Variants in SH3GL2 observed in about 807,000 individuals in gnomAD.
SH3GL2 encodes the protein SH3 domain containing GRB2 like 2, endophilin A1.
In SH3GL2, 24 loss-of-function variants were observed where a neutral mutation model predicts 46.0. The ratio of observed to expected loss-of-function variants is 0.52; its 90% CI spans 0.38 to 0.73. The LOEUF (loss-of-function observed/expected upper bound fraction) is 0.73, where lower values mean the gene tolerates loss of function less well. SH3GL2 is among the 30% of genes least tolerant of loss of function. The pLI is 0.00. For missense variants in SH3GL2, 413 were observed against 424.2 expected, an observed-to-expected ratio of 0.97 and a Z score of 0.23; for synonymous variants, 196 against 147.1, an observed-to-expected ratio of 1.33 and a Z score of -2.40.
chr9:17,696,706 G>A (rs1821211869), intron 1 of SH3GL2, among the ~76,000 whole-genome samples: 1 of 152,046 alleles, frequency 6.6e-6, no homozygotes, highest in Non-Finnish European at 1.5e-5. Flanking sequence ...CCTCCTACTG[G>A]GTCCCTCCCG....
At chr9:17,702,843 C>A (rs1464225033) in intron 1 of SH3GL2, among the ~76,000 whole-genome samples, 1 of 152,058 alleles carries the variant, frequency 6.6e-6, no homozygotes, top group Non-Finnish European at 1.5e-5. Context: ...GCAGAAATTT[C>A]TATTAAACTA....
intron 1 of SH3GL2, among the ~76,000 whole-genome samples, chr9:17,689,163 T>C (rs1246643526): frequency 1.3e-5 from 2 of 152,062 alleles, no homozygotes; most frequent in South Asian, 2.1e-4. Context: ...TCTAGTCTCA[T>C]CATGAGAAAG....
intron 1 of SH3GL2, among the ~76,000 whole-genome samples, chr9:17,734,668 A>C (rs1221500798): frequency 6.6e-6 from 1 of 152,140 alleles, no homozygotes; most frequent in Non-Finnish European, 1.5e-5. Flanking sequence ...GAACCTTGAA[A>C]ACATAATGCT....
At chr9:17,754,700 C>A (rs960251588) in intron 2 of SH3GL2, among the ~76,000 whole-genome samples, 3 of 152,004 alleles carry the variant, frequency 2.0e-5, no homozygotes, top group Non-Finnish European at 4.4e-5. Context: ...AAATAACTTT[C>A]ACCTCCCTGG....
chr9:17,583,890 T>A (rs553211530), intron 1 of SH3GL2, among the ~76,000 whole-genome samples: 1 of 152,328 alleles, frequency 6.6e-6, no homozygotes, highest in African/African-American at 2.4e-5. Flanking sequence ...ATGTTAAACT[T>A]ACTAAGTATT....
At chr9:17,729,187 T>C (rs1171611345) in intron 1 of SH3GL2, among the ~76,000 whole-genome samples, 1 of 152,204 alleles carries the variant, frequency 6.6e-6, no homozygotes, top group Non-Finnish European at 1.5e-5. Flanking sequence ...TATCTCACTG[T>C]GGTTTTGATT....
chr9:17,744,180 TAAGAC>T (rs199567272), intron 1 of SH3GL2, among the ~76,000 whole-genome samples: 2,113 of 152,132 alleles, frequency 0.014, 42 homozygotes, highest in African/African-American at 0.048. Flanking sequence ...ACTTGAAAAA[TAAGAC>T]AAGAGGGGAC....
intron 1 of SH3GL2, among the ~76,000 whole-genome samples, chr9:17,603,655 G>A (rs1463207575): frequency 6.6e-6 from 1 of 152,138 alleles, no homozygotes; most frequent in Non-Finnish European, 1.5e-5. Flanking sequence ...GAGGTCAGGG[G>A]TTCGAGACCA....
chr9:17,777,615 A>T (rs1823678336), intron 3 of SH3GL2, among the ~76,000 whole-genome samples: 1 of 151,474 alleles, frequency 6.6e-6, no homozygotes, highest in Non-Finnish European at 1.5e-5. Flanking sequence ...ATTTCTGATG[A>T]GGGCTCTCTT....
chr9:17,672,994 G>A (rs1213368945), intron 1 of SH3GL2, among the ~76,000 whole-genome samples: 2 of 152,070 alleles, frequency 1.3e-5, no homozygotes, highest in Non-Finnish European at 2.9e-5. Context: ...CATGTCTTGG[G>A]TAGTATTTGG....
chr9:17,791,406 CAT>C (rs1179782511), intron 7 of SH3GL2, 72 bp downstream of exon 7: 33 of 1,075,588 alleles, frequency 3.1e-5, no homozygotes, highest in Non-Finnish European at 4.8e-5. Flanking sequence ...AAATGGAAAT[CAT>C]AGAATACATT....
chr9:17,610,559 T>C (rs569339587), intron 1 of SH3GL2, among the ~76,000 whole-genome samples: 3 of 152,368 alleles, frequency 2.0e-5, no homozygotes, highest in South Asian at 4.1e-4. Flanking sequence ...ATGGGAACTT[T>C]GTAATGCTGG....
At chr9:17,776,270 A>C (rs1168305327) in intron 3 of SH3GL2, among the ~76,000 whole-genome samples, 3 of 152,200 alleles carry the variant, frequency 2.0e-5, no homozygotes, top group South Asian at 2.1e-4. Flanking sequence ...AATTGTAGTA[A>C]ATGAAACTTT....
chr9:17,600,190 A>G (rs1037403982), intron 1 of SH3GL2, among the ~76,000 whole-genome samples: 5 of 152,226 alleles, frequency 3.3e-5, no homozygotes, highest in Non-Finnish European at 5.9e-5. Context: ...GCTGGAGTTT[A>G]TTCTACAGCA....
chr9:17,738,361 A>G (rs1462714045), intron 1 of SH3GL2, among the ~76,000 whole-genome samples: 1 of 151,350 alleles, frequency 6.6e-6, no homozygotes, highest in Non-Finnish European at 1.5e-5. Context: ...CCCTTTCCTA[A>G]TATATGGTCT....
At chr9:17,743,601 C>CACACA (rs1554645790) in intron 1 of SH3GL2, among the ~76,000 whole-genome samples, 2 of 145,736 alleles carry the variant, frequency 1.4e-5, no homozygotes, top group Non-Finnish European at 3.0e-5. Context: ...CACACACACA[C>CACACA]CCCAAATAGT....
At chr9:17,699,492 C>T (rs1178537577) in intron 1 of SH3GL2, among the ~76,000 whole-genome samples, 1 of 152,298 alleles carries the variant, frequency 6.6e-6, no homozygotes, top group East Asian at 1.9e-4. Context: ...CACGTGTGTA[C>T]AGTCTAGAAA....
chr9:17,629,662 G>T (rs1819374112), intron 1 of SH3GL2, among the ~76,000 whole-genome samples: 1 of 152,120 alleles, frequency 6.6e-6, no homozygotes, highest in Non-Finnish European at 1.5e-5. Context: ...CTATATCCTT[G>T]CCATTTTTCA....
At chr9:17,772,807 G>C in intron 3 of SH3GL2, among the ~76,000 whole-genome samples, 1 of 152,288 alleles carries the variant, frequency 6.6e-6, no homozygotes, top group East Asian at 1.9e-4. Flanking sequence ...ATGACCATGA[G>C]TATACAAATA....
Sources: gnomAD v4.1 joint callset for allele counts (sites outside exome capture counted in the v4.1 genomes callset) on GRCh38, gnomAD v4.1.1 for gene constraint, MANE v1.5 for transcripts, NCBI Gene and HGNC (gene_info 2026-07-23, HGNC 2026-07-21) for gene names.